LOXHD1: variants seen among roughly 807,000 people sequenced by gnomAD.
LOXHD1 encodes lipoxygenase homology domain-containing protein 1.
A neutral mutation model predicts 248.2 loss-of-function variants in LOXHD1; 205 were observed. The ratio of observed to expected loss-of-function variants is 0.83; its 90% CI spans 0.74 to 0.93. The LOEUF is 0.93. Ranked by LOEUF, LOXHD1 falls within the 40% of genes least tolerant of loss-of-function variation. LOXHD1 has a pLI of 0.00. For synonymous variants in LOXHD1, 1,113 were observed against 1,162.8 expected, an observed-to-expected ratio of 0.96 and a Z score of 0.87; for missense variants, 2,930 against 2,971.6, an observed-to-expected ratio of 0.99 and a Z score of 0.33.
intron 1 of LOXHD1, among the ~76,000 whole-genome samples, chr18:46,652,884 T>C (rs540723862): frequency 1.3e-5 from 2 of 152,202 alleles, no homozygotes; most frequent in Admixed American, 6.5e-5. Flanking sequence ...GTGTCACACG[T>C]GGATAAATCA....
In LOXHD1 at chr18:46,477,675, A is replaced by G; in HGVS notation, c.6619T>C (p.Phe2207Leu). Residue 2207 changes from phenylalanine (F) to leucine (L), a missense_variant, in exon 41 of 41, where the codon TTC (phenylalanine) becomes CTC (leucine). Phe to Leu is a conservative substitution (Grantham distance 22). Coordinates refer to ENST00000642948, the MANE Select transcript of LOXHD1 (RefSeq NM_001384474.1). ...TCACCCAGCTCCAGCGTCTCCAGGA[A>G]GAAGCGGTCTGTGCTGCCCCGCTCG... ...LFERGSTDRFFLETLELGELR... is the reference protein window; with the variant it reads ...LFERGSTDRFLLETLELGELR... 6.4e-7 allele frequency: 1 copy of G among 1,551,880 alleles called. No homozygotes were observed. Among genetic ancestry groups the G allele is most frequent in the Non-Finnish European group, 8.7e-7 (1 of 1,147,028 alleles).
intron 39 of LOXHD1, 66 bp from the exon 40 acceptor site, chr18:46,483,811 G>A (rs2032799682): frequency 6.6e-7 from 1 of 1,504,908 alleles, no homozygotes; most frequent in Non-Finnish European, 8.9e-7. Flanking sequence ...GCATTTGTCG[G>A]GGGCCTGCTG....
intron 38 of LOXHD1, among the ~76,000 whole-genome samples, chr18:46,487,076 T>C (rs192214423): frequency 6.6e-6 from 1 of 152,198 alleles, no homozygotes; most frequent in Admixed American, 6.5e-5. Context: ...ATGAGCCCCA[T>C]CTAACAGATC....
intron 4 of LOXHD1, among the ~76,000 whole-genome samples, chr18:46,623,272 C>T (rs1438115516): frequency 6.6e-6 from 1 of 152,340 alleles, no homozygotes; most frequent in South Asian, 2.1e-4. Flanking sequence ...TACATAGTCG[C>T]ATTTGTGCAG....
intron 12 of LOXHD1, among the ~76,000 whole-genome samples, chr18:46,583,941 A>G (rs2038011403): frequency 6.6e-6 from 1 of 152,204 alleles, no homozygotes; most frequent in Admixed American, 6.5e-5. Flanking sequence ...TATAGAATCA[A>G]CCTAAGTGTC....
intron 37 of LOXHD1, among the ~76,000 whole-genome samples, chr18:46,492,054 G>C (rs2033521390): frequency 6.6e-6 from 1 of 152,230 alleles, no homozygotes; most frequent in Non-Finnish European, 1.5e-5. Context: ...GGGTGTGATT[G>C]ACAGGGATCT....
At chr18:46,548,277 A>G (rs1359617906) in intron 21 of LOXHD1, among the ~76,000 whole-genome samples, 1 of 146,742 alleles carries the variant, frequency 6.8e-6, no homozygotes, top group Non-Finnish European at 1.5e-5. Context: ...CCTGATGCAC[A>G]AGGGCCACTC....
intron 38 of LOXHD1, among the ~76,000 whole-genome samples, chr18:46,488,447 C>G (rs1277293453): frequency 1.3e-5 from 2 of 152,190 alleles, no homozygotes; most frequent in Non-Finnish European, 2.9e-5. Flanking sequence ...AAGCCTCTTC[C>G]AATCTGTTGG....
In LOXHD1 at chr18:46,579,723, G is replaced by T. The variant is rs147582935; in HGVS notation, c.1716C>A (p.Asn572Lys). 1 of 1,551,780 alleles carries T rather than the reference G, an allele frequency of 6.4e-7. No individual in the cohort carries two copies. The highest frequency in any genetic ancestry group is 8.7e-7 in the Non-Finnish European group (1 of 1,146,996). The change falls in exon 13 of 41, where the codon AAC becomes AAA. Residue 572 changes from asparagine to lysine, a missense_variant. Asn to Lys is a moderately conservative substitution (Grantham distance 94). Coordinates refer to ENST00000642948, the MANE Select transcript of LOXHD1 (RefSeq NM_001384474.1). ...GELEGAGTDA[N>K]VYLCLFGDVG... The stretch of plus-strand genomic sequence containing the variant: ...CATCACCAAAAAGGCAGAGATAGAC[G>T]TTGGCATCGGTCCCAGCACCTTCAA...
At chr18:46,544,747 C>G (rs2036720819) in intron 23 of LOXHD1, 37 of 463,678 alleles carry the variant, frequency 8.0e-5, no homozygotes, top group South Asian at 5.1e-4. Flanking sequence ...TCTCCATGCT[C>G]TCTACCAGCA....
rs611066 is a variant in LOXHD1 at position 46,625,535 on chromosome 18, G to A, written c.512-7245C>T. ...ATTGCAAAAAAATCTTATGCTTTAAGAAAGTTTATGAATTTTTGTTGGGCT... is the reference window on the plus strand; with the variant it reads ...ATTGCAAAAAAATCTTATGCTTTAAAAAAGTTTATGAATTTTTGTTGGGCT... On this transcript the variant is annotated intron_variant, in intron 4 of 40. Transcript: ENST00000642948. Among the ~76,000 whole-genome samples the A allele has an allele frequency of 3.3e-5, 5 of 151,894 alleles. No homozygotes were observed. In the South Asian group the frequency reaches 1.0e-3, roughly 32 times the overall value.
At chr18:46,612,568 G>C (rs1462851798) in intron 5 of LOXHD1, among the ~76,000 whole-genome samples, 6 of 151,664 alleles carry the variant, frequency 4.0e-5, no homozygotes, top group African/African-American at 1.5e-4. Context: ...CTCTTGTCTT[G>C]TTTGCCTATG....
In LOXHD1 at chr18:46,541,880, C is replaced by T; in HGVS notation, c.3809G>A (p.Cys1270Tyr). The change falls in exon 25 of 41, where the codon TGC becomes TAC. Residue 1270 changes from cysteine to tyrosine, a missense_variant. Physicochemically the swap from Cys to Tyr is radical, Grantham distance 194 (BLOSUM62 -2). Coordinates refer to ENST00000642948, the MANE Select transcript of LOXHD1 (RefSeq NM_001384474.1). The part of the protein sequence containing the change: ...VEVDAPSLGK[C>Y]MTFPCGRWLA... ...CCAGCGGCCACAGGGAAACGTCATGCACTTCCCAAGAGATGGGGCATCCAC... is the reference window on the plus strand; with the variant it reads ...CCAGCGGCCACAGGGAAACGTCATGTACTTCCCAAGAGATGGGGCATCCAC... The T allele has an allele frequency of 3.9e-6, 6 of 1,551,742 alleles. No homozygotes were observed. The highest frequency in any genetic ancestry group is 5.2e-6 in the Non-Finnish European group (6 of 1,147,010).
intron 37 of LOXHD1, among the ~76,000 whole-genome samples, chr18:46,505,520 A>G (rs1214373002): frequency 6.6e-6 from 1 of 152,174 alleles, no homozygotes; most frequent in African/African-American, 2.4e-5. Context: ...TGGGAAATGA[A>G]CTGGTGATTT....
chr18:46,616,692 C>G (rs1236364915), intron 5 of LOXHD1, among the ~76,000 whole-genome samples: 1 of 152,002 alleles, frequency 6.6e-6, no homozygotes, highest in Non-Finnish European at 1.5e-5. Context: ...TAGAAATTTG[C>G]TAATTTAGCC....
intron 33 of LOXHD1, chr18:46,520,371 G>T (rs1313391968): frequency 2.1e-6 from 1 of 465,594 alleles, no homozygotes; most frequent in East Asian, 7.0e-5. Context: ...AAGGGCTGGG[G>T]CCTTCTGTTG....
At chr18:46,526,946 G>A (rs1052280403) in intron 29 of LOXHD1, among the ~76,000 whole-genome samples, 2 of 152,172 alleles carry the variant, frequency 1.3e-5, no homozygotes, top group African/African-American at 4.8e-5. Flanking sequence ...TCCATATTCT[G>A]GAGTGATCAG....
intron 4 of LOXHD1, among the ~76,000 whole-genome samples, chr18:46,625,438 G>T (rs1350385783): frequency 6.6e-6 from 1 of 151,132 alleles, no homozygotes; most frequent in African/African-American, 2.4e-5. Context: ...ACTGGAAGGA[G>T]AAGAATTCCC....
chr18:46,557,209 C>A, intron 21 of LOXHD1, 147 bp downstream of exon 21: 1 of 728,638 alleles, frequency 1.4e-6, no homozygotes, highest in Non-Finnish European at 2.1e-6. Flanking sequence ...ACGGCCAGTA[C>A]ACCTCACCCT....
Sources: allele counts gnomAD v4.1 joint callset (sites outside exome capture counted in the v4.1 genomes callset), GRCh38; gene constraint gnomAD v4.1.1; transcripts MANE v1.5; gene names NCBI Gene and HGNC (gene_info 2026-07-23, HGNC 2026-07-21).